SALL3: variants seen among roughly 807,000 people sequenced by gnomAD.
SALL3 encodes spalt like transcription factor 3, also known as sal-like protein 3.
SALL3 carries 25 observed loss-of-function variants against 66.2 expected under a neutral mutation model. The observed-to-expected ratio is 0.38, with a 90% CI of 0.28 to 0.53. The LOEUF (loss-of-function observed/expected upper bound fraction) is 0.53. Among genes scored for constraint, SALL3 ranks in the 20% least tolerant of loss-of-function variants. SALL3 has a pLI of 0.85. For missense variants in SALL3, 2,194 were observed against 1,916.5 expected, an observed-to-expected ratio of 1.14 and a Z score of -2.70; for synonymous variants, 1,152 against 899.1, an observed-to-expected ratio of 1.28 and a Z score of -5.03.
At position 78,997,467 on chromosome 18, in the gene SALL3, G is replaced by T. The variant is rs145603932; in HGVS notation, c.*145G>T. 1.9e-3 allele frequency: 1,308 copies of T among 701,998 alleles called. 17 individuals carry two copies. Among genetic ancestry groups the T allele is most frequent in the Non-Finnish European group, 1.6e-4 (68 of 422,336 alleles). 43.5% of individuals were successfully genotyped at this position (701,998 alleles called of 1,614,324 possible). A position where few individuals can be genotyped will look rare whatever the true frequency, so the allele number is the denominator to read the frequency against. On this transcript the variant is annotated 3_prime_UTR_variant, in exon 3 of 3. Transcript: ENST00000537592. ...CGGCTGCCGAGAGGTGGTCTTGTAA[G>T]CGCTGCATGGCGCTCCCTTCAACAG...
Position 78,997,430 on chromosome 18 carries a change from A to T in SALL3, c.*108A>T, listed in dbSNP as rs1275557100. ...TCATTACACTTTCACCCATAGCAGA[A>T]AACACTTTGTGCGGCTGCCGAGAGG... is the stretch of plus-strand genomic sequence containing the variant. On this transcript the variant is annotated 3_prime_UTR_variant, in exon 3 of 3. Coordinates refer to ENST00000537592, the MANE Select transcript of SALL3 (RefSeq NM_171999.4). 4.3e-6 allele frequency: 5 copies of T among 1,166,330 alleles called. No homozygotes were observed. The African/African-American group carries it at 7.7e-5, about 18-fold the overall frequency. 72.2% of individuals were successfully genotyped at this position (1,166,330 alleles called of 1,614,324 possible).
At position 78,994,517 on chromosome 18, in the gene SALL3, C is replaced by T; in HGVS notation, c.2526C>T (p.Ala842=). ...SPPSVISSIA[A]LENQMKMIDS... Reference sequence around the variant, plus strand: ...CCTCGGTCATCTCCAGCATTGCCGCCCTGGAGAACCAGATGAAGATGATCG... The same window carrying T: ...CCTCGGTCATCTCCAGCATTGCCGCTCTGGAGAACCAGATGAAGATGATCG... The change falls in exon 2 of 3, where the codon GCC becomes GCT. Residue 842 remains alanine (A), a synonymous_variant. Coordinates refer to ENST00000537592, the MANE Select transcript of SALL3 (RefSeq NM_171999.4). The T allele has an allele frequency of 1.9e-6, 3 of 1,612,100 alleles. No individual in the cohort carries two copies. The highest frequency in any genetic ancestry group is 2.5e-6 in the Non-Finnish European group (3 of 1,179,722).
At chr18:78,991,414 G>C (rs1159123752) in intron 1 of SALL3, among the ~76,000 whole-genome samples, 1 of 150,700 alleles carries the variant, frequency 6.6e-6, no homozygotes, top group East Asian at 2.0e-4. Context: ...GTCGCTCTGA[G>C]TTGGCGGAGA....
chr18:78,986,566 T>C (rs1242538965), intron 1 of SALL3, among the ~76,000 whole-genome samples: 1 of 152,208 alleles, frequency 6.6e-6, no homozygotes, highest in African/African-American at 2.4e-5. Context: ...TTAAAAAGAA[T>C]TAATTTGCAA....
intron 1 of SALL3, among the ~76,000 whole-genome samples, chr18:78,983,663 AG>A (rs1351652282): frequency 6.6e-6 from 1 of 152,200 alleles, no homozygotes; most frequent in East Asian, 1.9e-4. Flanking sequence ...TGCTTGGCGC[AG>A]GATCTTTTTC....
Position 78,994,875 on chromosome 18 carries a change from T to C in SALL3, c.2884T>C (p.Phe962Leu), listed in dbSNP as rs918836872. The C allele has an allele frequency of 6.2e-7, 1 of 1,608,956 alleles. No homozygotes were observed. Among genetic ancestry groups the C allele is most frequent in the Non-Finnish European group, 8.5e-7 (1 of 1,177,994 alleles). ...CGCGGGCATCAAGGAGGAGGCGCCC[T>C]TCAGCCTGCTGTTCCTGAGCAGGGA... ...GRAGIKEEAPFSLLFLSRERG... is the reference protein window; with the variant it reads ...GRAGIKEEAPLSLLFLSRERG... Residue 962 changes from phenylalanine (F) to leucine (L), a missense_variant, in exon 2 of 3, where the codon TTC becomes CTC. Coordinates refer to ENST00000537592, the MANE Select transcript of SALL3 (RefSeq NM_171999.4).
Position 78,995,142 on chromosome 18 carries a change from A to G in SALL3, c.3151A>G (p.Ser1051Gly), listed in dbSNP as rs778534898. 5.0e-6 allele frequency: 8 copies of G among 1,613,650 alleles called. No individual in the cohort carries two copies. Among genetic ancestry groups the G allele is most frequent in the Non-Finnish European group, 6.8e-6 (8 of 1,180,012 alleles). Residue 1051 changes from serine to glycine, a missense_variant, in exon 2 of 3, where the codon AGC becomes GGC. Ser to Gly is a moderately conservative substitution (Grantham distance 56, BLOSUM62 0). Transcript: ENST00000537592. ...FALGPSQSTP[S>G]LISSAAPTMI... ...TCTAGGTCCCAGCCAAAGCACTCCT[A>G]GCCTGATCTCCAGCGCCGCACCCAC...
Position 78,989,047 on chromosome 18 carries a change from AAATG to A in SALL3, c.83-3026_83-3023del, listed in dbSNP as rs1471318494. On this transcript the variant is annotated intron_variant, in intron 1 of 2. Coordinates refer to ENST00000537592, the MANE Select transcript of SALL3 (RefSeq NM_171999.4). ...TTTCCTTTTTCAATTTTGAAGGAAT[AAATG>A]GAAGCTTATTTTACTTTGAAAAGAA... 1.2e-4 allele frequency among the ~76,000 whole-genome samples: 19 copies of A among 152,360 alleles called. 1 individual carries two copies. In the East Asian group the frequency reaches 3.7e-3, roughly 29 times the overall value.
rs1365349947 is a variant in SALL3 at position 78,993,963 on chromosome 18, A to G, written c.1972A>G (p.Thr658Ala). 2 of 1,611,688 alleles carry G rather than the reference A, an allele frequency of 1.2e-6. No homozygotes were observed. The highest frequency in any genetic ancestry group is 1.7e-6 in the Non-Finnish European group (2 of 1,179,394). The change falls in exon 2 of 3, where the codon ACG becomes GCG. Residue 658 changes from threonine (T) to alanine (A), a missense_variant. Thr to Ala is a moderately conservative substitution (Grantham distance 58, BLOSUM62 0). Transcript: ENST00000537592. ...CGGGGGGCTGCTAGACTCGATGCAA[A>G]CGTCGGAAACCTCGAAGCTGCAGCA... ...PFGGLLDSMQ[T>A]SETSKLQQLV... is the part of the protein sequence containing the mutation.
Position 78,998,721 on chromosome 18 carries a change from A to G in SALL3, c.*1399A>G, listed in dbSNP as rs1272991847. The G allele has an allele frequency of 2.0e-5, 3 of 152,256 alleles. No individual in the cohort carries two copies. The East Asian group carries it at 5.8e-4, about 29-fold the overall frequency. 9.4% of individuals were successfully genotyped at this position (152,256 alleles called of 1,614,324 possible). On this transcript the variant is annotated 3_prime_UTR_variant, in exon 3 of 3. Transcript: ENST00000537592. ...GAAATGGCAAGTATCAGGCAGTACA[A>G]TCAGTCATGACTTTGAAATTTTCCG... is the stretch of plus-strand genomic sequence containing the variant.
At position 78,996,846 on chromosome 18, in the gene SALL3, C is replaced by G. The variant is rs769717469; in HGVS notation, c.3472-45C>G. ...GCTGGAAGCGGAGCAGCTCTGCCTC[C>G]GTGTCTAGGCACTTACTCGTGGGCT... On this transcript the variant is annotated intron_variant, in intron 2 of 2. Coordinates refer to ENST00000537592, the MANE Select transcript of SALL3 (RefSeq NM_171999.4). 1.9e-5 allele frequency: 29 copies of G among 1,541,058 alleles called. No individual in the cohort carries two copies. In the South Asian group the frequency reaches 3.4e-4, roughly 18 times the overall value.
rs773209464 is a variant in SALL3, at chr18:78,992,160, T to C, written c.169T>C (p.Cys57Arg). The stretch of plus-strand genomic sequence containing the variant: ...GGAGACCAGCGTGTGCGAGAAATGC[T>C]GCGCCGAGTTCTTCAAGTGGGCGGA... ...GEETSVCEKC[C>R]AEFFKWADFL... Residue 57 changes from cysteine (C) to arginine (R), a missense_variant, in exon 2 of 3, where the codon TGC becomes CGC. Physicochemically the swap from Cys to Arg is radical, Grantham distance 180. Coordinates refer to ENST00000537592, the MANE Select transcript of SALL3 (RefSeq NM_171999.4). The C allele has an allele frequency of 9.3e-6, 15 of 1,608,892 alleles. No homozygotes were observed. The highest frequency in any genetic ancestry group is 1.2e-5 in the Non-Finnish European group (14 of 1,178,592).
Position 78,998,892 on chromosome 18 carries a change from G to T in SALL3, c.*1570G>T, listed in dbSNP as rs1013056503. 1 of 152,214 alleles carries T rather than the reference G, an allele frequency of 6.6e-6. No homozygotes were observed. The highest frequency in any genetic ancestry group is 1.5e-5 in the Non-Finnish European group (1 of 68,060). The allele number at this position is 152,214 out of a possible 1,614,324, so 9.4% of individuals were successfully genotyped here. ...GGGGCGGCCGAGGCAGCACAAACAC[G>T]GCGTCGTGAACTACCTCATTTTCGT... On this transcript the variant is annotated 3_prime_UTR_variant, in exon 3 of 3. Coordinates refer to ENST00000537592, the MANE Select transcript of SALL3 (RefSeq NM_171999.4).
Position 78,993,781 on chromosome 18 carries a change from A to G in SALL3, c.1790A>G (p.Glu597Gly). ...LLGGPPLTKA[E>G]PVSLPCTNAR... Reference sequence around the variant, plus strand: ...GGCGGGCCGCCCCTCACTAAAGCCGAGCCCGTCAGCCTGCCCTGCACCAAC... The same window carrying G: ...GGCGGGCCGCCCCTCACTAAAGCCGGGCCCGTCAGCCTGCCCTGCACCAAC... Residue 597 changes from glutamate (E) to glycine (G), a missense_variant, in exon 2 of 3, where the codon GAG becomes GGG. Transcript: ENST00000537592. The G allele has an allele frequency of 6.5e-7, 1 of 1,550,058 alleles. No homozygotes were observed.
At position 78,994,413 on chromosome 18, in the gene SALL3, G is replaced by A. The variant is rs769424057; in HGVS notation, c.2422G>A (p.Asp808Asn). 1.2e-6 allele frequency: 2 copies of A among 1,612,906 alleles called. No homozygotes were observed. Among genetic ancestry groups the A allele is most frequent in the Admixed American group, 1.7e-5 (1 of 60,018 alleles). The change falls in exon 2 of 3, where the codon GAC (aspartate) becomes AAC (asparagine). Residue 808 changes from aspartate to asparagine, a missense_variant. Coordinates refer to ENST00000537592, the MANE Select transcript of SALL3 (RefSeq NM_171999.4). Reference protein sequence around the residue: ...DDMDENSMEDDAELKDAATDP... With the variant: ...DDMDENSMEDNAELKDAATDP... ...CATGGACGAGAACTCCATGGAGGAC[G>A]ACGCTGAGCTGAAGGACGCGGCCAC...
rs751121107 is a variant in SALL3, at chr18:78,994,892, G to C, written c.2901G>C (p.Leu967=). Residue 967 remains leucine (L), a synonymous_variant, in exon 2 of 3, where the codon CTG becomes CTC. Transcript: ENST00000537592. ...AGGCGCCCTTCAGCCTGCTGTTCCT[G>C]AGCAGGGAGCGGGGTAAGTGTCCCA... ...KEEAPFSLLF[L]SRERGKCPST... 1.2e-6 allele frequency: 2 copies of C among 1,611,900 alleles called. No individual in the cohort carries two copies. The highest frequency in any genetic ancestry group is 1.7e-6 in the Non-Finnish European group (2 of 1,179,344).
chr18:78,989,508 C>A (rs923896813), intron 1 of SALL3, among the ~76,000 whole-genome samples: 3 of 152,208 alleles, frequency 2.0e-5, no homozygotes, highest in Admixed American at 2.0e-4. Flanking sequence ...ACTAAACTCA[C>A]TTGAAATGAT....
chr18:78,997,340 T>C lies in SALL3; in HGVS notation c.*18T>C. 1 of 1,603,260 alleles carries C rather than the reference T, an allele frequency of 6.2e-7. No homozygotes were observed. Among genetic ancestry groups the C allele is most frequent in the Non-Finnish European group, 8.5e-7 (1 of 1,172,854 alleles). ...TCAACTAGCCAGTGACTCGCTCATCTGCCCTGCCCAGGCCCACGTTTTGAA... is the reference window on the plus strand; with the variant it reads ...TCAACTAGCCAGTGACTCGCTCATCCGCCCTGCCCAGGCCCACGTTTTGAA... On this transcript the variant is annotated 3_prime_UTR_variant, in exon 3 of 3. Coordinates refer to ENST00000537592, the MANE Select transcript of SALL3 (RefSeq NM_171999.4).
intron 1 of SALL3, among the ~76,000 whole-genome samples, chr18:78,991,445 A>G (rs1914433329): frequency 6.6e-6 from 1 of 151,424 alleles, no homozygotes; most frequent in Non-Finnish European, 1.5e-5. Flanking sequence ...GAGCTGATGT[A>G]AGAAACGCTT....
Sources: gnomAD v4.1 joint callset for allele counts (sites outside exome capture counted in the v4.1 genomes callset) on GRCh38, gnomAD v4.1.1 for gene constraint, MANE v1.5 for transcripts, NCBI Gene and HGNC (gene_info 2026-07-23, HGNC 2026-07-21) for gene names.